The following ATXN1 variants were observed in gnomAD, a reference collection of about 807,000 sequenced individuals.
ATXN1 encodes ataxin-1.
ATXN1 carries 8 observed loss-of-function variants against 56.4 expected under a neutral mutation model. The ratio of observed to expected loss-of-function variants is 0.14; its 90% CI spans 0.08 to 0.26. ATXN1 has a LOEUF of 0.26. Among genes scored for constraint, ATXN1 ranks in the 10% least tolerant of loss-of-function variants. ATXN1 has a pLI of 1.00. For synonymous variants in ATXN1, 514 were observed against 494.6 expected, an observed-to-expected ratio of 1.04 and a Z score of -0.52; for missense variants, 987 against 1,106.5, an observed-to-expected ratio of 0.89 and a Z score of 1.53.
At chr6:16,630,231 G>T (rs552712232) in intron 3 of ATXN1, among the ~76,000 whole-genome samples, 12 of 152,126 alleles carry the variant, frequency 7.9e-5, no homozygotes, top group Non-Finnish European at 1.8e-4. Flanking sequence ...CTTCTGCATT[G>T]TATGACTCTC....
At chr6:16,366,331 C>T (rs370232541) in intron 6 of ATXN1, among the ~76,000 whole-genome samples, 22 of 152,252 alleles carry the variant, frequency 1.4e-4, no homozygotes, top group African/African-American at 5.3e-4. Context: ...AATTCAGAAC[C>T]TGCCACCTAG....
intron 6 of ATXN1, among the ~76,000 whole-genome samples, chr6:16,473,927 T>C (rs1415557691): frequency 6.6e-6 from 1 of 152,202 alleles, no homozygotes; most frequent in Non-Finnish European, 1.5e-5. Flanking sequence ...CGAGTGTTTT[T>C]AGGCTTCTAC....
At chr6:16,533,254 T>C (rs151071234) in intron 4 of ATXN1, among the ~76,000 whole-genome samples, 6 of 152,312 alleles carry the variant, frequency 3.9e-5, no homozygotes, top group South Asian at 2.1e-4. Flanking sequence ...CTGTGATCAC[T>C]TGACCTTATA....
intron 4 of ATXN1, 67 bp from the exon 5 acceptor site, chr6:16,522,755 C>G (rs1219393269): frequency 6.6e-6 from 1 of 152,212 alleles, no homozygotes; most frequent in African/African-American, 2.4e-5. Flanking sequence ...TCCAAATGAG[C>G]AGGCCTAGAG....
At chr6:16,452,348 T>C (rs1158784500) in intron 6 of ATXN1, among the ~76,000 whole-genome samples, 1 of 152,218 alleles carries the variant, frequency 6.6e-6, no homozygotes, top group Non-Finnish European at 1.5e-5. Flanking sequence ...AATTCATAAC[T>C]AGTAATGAAT....
intron 2 of ATXN1, among the ~76,000 whole-genome samples, chr6:16,751,712 T>C (rs1044814452): frequency 2.6e-5 from 4 of 152,130 alleles, no homozygotes; most frequent in African/African-American, 9.7e-5. Context: ...GTCTACAGGG[T>C]GGGTCCAAAG....
chr6:16,420,825 TTC>T (rs141618033), intron 6 of ATXN1, among the ~76,000 whole-genome samples: 26 of 150,000 alleles, frequency 1.7e-4, no homozygotes, highest in Non-Finnish European at 1.5e-4. Context: ...CAGTTACAGA[TTC>T]TCTCTCTCTC....
At position 16,306,693 on chromosome 6, in the gene ATXN1, A is replaced by T. The variant is rs1022233589; in HGVS notation, c.2084T>A (p.Val695Asp). 1 of 1,614,056 alleles carries T rather than the reference A, an allele frequency of 6.2e-7. No homozygotes were observed. The highest frequency in any genetic ancestry group is 1.3e-5 in the African/African-American group (1 of 74,902). Residue 695 changes from valine (V) to aspartate (D), a missense_variant, in exon 8 of 8, where the codon GTT becomes GAT. Physicochemically the swap from Val to Asp is radical, Grantham distance 152 (BLOSUM62 -3). Around this residue, in one of 3 missense-constraint regions of ATXN1, gnomAD observed 196 missense variants for 196.7 expected, o/e 1.00. Coordinates refer to ENST00000436367, the MANE Select transcript of ATXN1 (RefSeq NM_001128164.2). The surrounding 1 kb of genome is among the most constrained non-coding windows in gnomAD (Gnocchi z 5.2). Reference protein sequence around the residue: ...LTLKNLKNGSVKKGQPVDPAS... With the variant: ...LTLKNLKNGSDKKGQPVDPAS... The stretch of plus-strand genomic sequence containing the variant: ...GGGATCCACGGGCTGGCCCTTTTTA[A>T]CAGAGCCGTTCTTCAGGTTCTTGAG...
At chr6:16,373,223 A>T (rs934592459) in intron 6 of ATXN1, among the ~76,000 whole-genome samples, 1 of 152,236 alleles carries the variant, frequency 6.6e-6, no homozygotes, top group Non-Finnish European at 1.5e-5. Flanking sequence ...ATTATGGTTC[A>T]ATGGTATGGT....
At chr6:16,357,748 T>C (rs1761721587) in intron 6 of ATXN1, among the ~76,000 whole-genome samples, 1 of 151,904 alleles carries the variant, frequency 6.6e-6, no homozygotes, top group African/African-American at 2.4e-5. Flanking sequence ...AGACAAAAAA[T>C]TGGCAAGGCT....
chr6:16,431,142 G>C (rs1161168429), intron 6 of ATXN1, among the ~76,000 whole-genome samples: 1 of 152,044 alleles, frequency 6.6e-6, no homozygotes, highest in East Asian at 1.9e-4. Flanking sequence ...AAATGGGTGT[G>C]GGGGTAGGAG....
intron 2 of ATXN1, among the ~76,000 whole-genome samples, chr6:16,714,224 CA>C (rs1561819369): frequency 1.2e-4 from 18 of 146,572 alleles, no homozygotes; most frequent in Non-Finnish European, 1.6e-4. Flanking sequence ...CACACACACA[CA>C]CCAAAACCTG....
intron 2 of ATXN1, among the ~76,000 whole-genome samples, chr6:16,659,210 T>TA (rs1422127253): frequency 6.6e-6 from 1 of 152,264 alleles, no homozygotes; most frequent in East Asian, 1.9e-4. Flanking sequence ...AAAGCCTTTT[T>TA]TATTTTTTGG....
intron 6 of ATXN1, among the ~76,000 whole-genome samples, chr6:16,345,706 A>AT (rs1761366740): frequency 6.6e-6 from 1 of 152,164 alleles, no homozygotes; most frequent in Admixed American, 6.5e-5. Flanking sequence ...GGAGCCCAAG[A>AT]TGGCCCCGAG....
In ATXN1 at chr6:16,604,324, CAA is replaced by C. The variant is rs57547112; in HGVS notation, c.-488-18419_-488-18418del. Among the ~76,000 whole-genome samples the C allele has an allele frequency of 5.6e-4, 63 of 112,064 alleles. 1 individual carries two copies. The highest frequency in any genetic ancestry group is 5.7e-4 in the Admixed American group (6 of 10,478). 73.5% of individuals were successfully genotyped at this position (112,064 alleles called of 152,430 possible). ...TGGGCAACACAGCAAAACTCTGTCT[CAA>C]AAAAAAAAAAAAAAACAAAAATTAT... On this transcript the variant is annotated intron_variant, in intron 3 of 7. Transcript: ENST00000436367.
chr6:16,480,839 T>C (rs1299171522), intron 6 of ATXN1, among the ~76,000 whole-genome samples: 2 of 152,098 alleles, frequency 1.3e-5, no homozygotes, highest in African/African-American at 4.8e-5. Flanking sequence ...GAGGAGGAGC[T>C]GAGTACTTGA....
rs923975769 is a variant in ATXN1, at chr6:16,753,280, C to A, written c.-662G>T. On this transcript the variant is annotated 5_prime_UTR_variant, in exon 2 of 8. Transcript: ENST00000436367. ...GTAGTGGCAGTGGAGGAGGAGATTG[C>A]TGTACAAGGATGACAAACAAATCTG... 1 of 456,620 alleles carries A rather than the reference C, an allele frequency of 2.2e-6. No individual in the cohort carries two copies. The highest frequency in any genetic ancestry group is 2.0e-5 in the African/African-American group (1 of 50,054). 28.3% of individuals were successfully genotyped at this position (456,620 alleles called of 1,614,324 possible). A position where few individuals can be genotyped will look rare whatever the true frequency, so the allele number is the denominator to read the frequency against.
chr6:16,402,944 G>A (rs1758608631), intron 6 of ATXN1, among the ~76,000 whole-genome samples: 1 of 152,166 alleles, frequency 6.6e-6, no homozygotes, highest in South Asian at 2.1e-4. Context: ...CCTTCCTCTT[G>A]ACAACCAGAG....
At chr6:16,550,079 A>T (rs976377736) in intron 4 of ATXN1, among the ~76,000 whole-genome samples, 3 of 150,166 alleles carry the variant, frequency 2.0e-5, no homozygotes, top group African/African-American at 7.4e-5. Context: ...ACCAGAACAC[A>T]TGTATACCTA....
Sources: gnomAD v4.1 joint callset for allele counts (sites outside exome capture counted in the v4.1 genomes callset) on GRCh38, gnomAD v4.1.1 for gene constraint, gnomAD v4.1.1 regional missense constraint, Gnocchi (gnomAD v3.1) non-coding constraint, MANE v1.5 for transcripts, NCBI Gene and HGNC (gene_info 2026-07-23, HGNC 2026-07-21) for gene names.